FRAS1: variants seen among roughly 807,000 people sequenced by gnomAD.
FRAS1 encodes Fraser extracellular matrix complex subunit 1, also known as extracellular matrix organizing protein FRAS1.
A neutral mutation model predicts 435.2 loss-of-function variants in FRAS1; 290 were observed. The observed-to-expected ratio is 0.67, with a 90% CI of 0.61 to 0.73. FRAS1 has a LOEUF of 0.73. Ranked by LOEUF, FRAS1 falls within the 30% of genes least tolerant of loss-of-function variation. The pLI, the probability that FRAS1 is intolerant of heterozygous loss-of-function variation, is 0.00. For synonymous variants in FRAS1, 1,800 were observed against 1,851.0 expected (o/e 0.97, Z 0.71); for missense variants, 4,860 against 5,001.5 (o/e 0.97, Z 0.85).
intron 4 of FRAS1, among the ~76,000 whole-genome samples, chr4:78,250,794 C>A (rs1395996399): frequency 6.6e-6 from 1 of 152,152 alleles, no homozygotes; most frequent in African/African-American, 2.4e-5. Context: ...TTCACCAAGT[C>A]TAGGTACCAT....
intron 14 of FRAS1, among the ~76,000 whole-genome samples, chr4:78,293,830 A>AG (rs1296644208): frequency 6.6e-6 from 1 of 152,232 alleles, no homozygotes; most frequent in Non-Finnish European, 1.5e-5. Context: ...TTTGGCAGGA[A>AG]GCTGGCTGTG....
intron 2 of FRAS1, among the ~76,000 whole-genome samples, chr4:78,233,258 A>G (rs1001989799): frequency 1.3e-5 from 2 of 152,228 alleles, no homozygotes; most frequent in Non-Finnish European, 2.9e-5. Flanking sequence ...GGCGTGGCCA[A>G]CCAATGTCTG....
intron 50 of FRAS1, among the ~76,000 whole-genome samples, chr4:78,469,019 G>A (rs548175932): frequency 6.6e-6 from 1 of 152,170 alleles, no homozygotes; most frequent in Non-Finnish European, 1.5e-5. Context: ...TGCCATTGCG[G>A]TGTCTGCACA....
chr4:78,494,340 A>G lies in FRAS1; in HGVS notation c.8959-2465A>G, dbSNP rs556599555. On this transcript the variant is annotated intron_variant, in intron 59 of 73. Transcript: ENST00000512123. ...ACCTGAGGCTGGGTAGTTCATAAAGAAAAGGGGTTTATTTGGCTCACAGTT... is the reference window on the plus strand; with the variant it reads ...ACCTGAGGCTGGGTAGTTCATAAAGGAAAGGGGTTTATTTGGCTCACAGTT... 2.0e-5 allele frequency among the ~76,000 whole-genome samples: 3 copies of G among 152,240 alleles called. No individual in the cohort carries two copies. In the South Asian group the frequency reaches 6.2e-4, roughly 32 times the overall value.
chr4:78,402,241 A>G (rs1002423151), intron 30 of FRAS1, among the ~76,000 whole-genome samples: 1 of 152,208 alleles, frequency 6.6e-6, no homozygotes, highest in African/African-American at 2.4e-5. Context: ...CTCACTTGGC[A>G]TATTAAATAG....
chr4:78,182,879 CAAAAA>C (rs1420628017), intron 2 of FRAS1, among the ~76,000 whole-genome samples: 1 of 27,974 alleles, frequency 3.6e-5, no homozygotes, highest in African/African-American at 1.1e-4. Context: ...GACCCTGTCT[CAAAAA>C]AAAGAAAAAA....
intron 40 of FRAS1, among the ~76,000 whole-genome samples, chr4:78,440,278 C>T (rs1422367173): frequency 1.3e-5 from 2 of 151,890 alleles, no homozygotes; most frequent in East Asian, 1.9e-4. Flanking sequence ...ATGATCCACC[C>T]GCCTCGGCCT....
At chr4:78,487,168 G>A (rs1720196393) in intron 58 of FRAS1, among the ~76,000 whole-genome samples, 2 of 152,162 alleles carry the variant, frequency 1.3e-5, no homozygotes. Context: ...CCATTTCACT[G>A]GGTTACGGAG....
At chr4:78,181,855 G>T (rs1438480158) in intron 2 of FRAS1, 1 of 1,611,924 alleles carries the variant, frequency 6.2e-7, no homozygotes, top group Non-Finnish European at 8.5e-7. Flanking sequence ...TGCCTGCCGC[G>T]TTGGAGTTGG....
Position 78,430,386 on chromosome 4 carries a change from T to C in FRAS1, c.4938T>C (p.His1646=), listed in dbSNP as rs893378683. ...RPPQHGVLLK[H]TAEFRRPMAT... Reference sequence around the variant, plus strand: ...CACAGCATGGTGTGCTTCTTAAGCATACAGCTGAGTTCCGAAGGCCGATGG... The same window carrying C: ...CACAGCATGGTGTGCTTCTTAAGCACACAGCTGAGTTCCGAAGGCCGATGG... The change falls in exon 37 of 74, where the codon CAT becomes CAC. Residue 1646 remains histidine (H), a synonymous_variant. Coordinates refer to ENST00000512123, the MANE Select transcript of FRAS1 (RefSeq NM_025074.7). 32 of 1,613,676 alleles carry C rather than the reference T, an allele frequency of 2.0e-5. No homozygotes were observed. The African/African-American group carries it at 2.3e-4, about 11-fold the overall frequency.
chr4:78,389,734 C>T (rs1253941182), intron 29 of FRAS1, among the ~76,000 whole-genome samples: 1 of 152,162 alleles, frequency 6.6e-6, no homozygotes, highest in East Asian at 1.9e-4. Flanking sequence ...CTTCCATCTC[C>T]ACGTTTGGAG....
intron 2 of FRAS1, among the ~76,000 whole-genome samples, chr4:78,160,146 A>G (rs1365620173): frequency 6.6e-6 from 1 of 152,172 alleles, no homozygotes; most frequent in Admixed American, 6.5e-5. Flanking sequence ...CCATAAGTAA[A>G]TTTTTAATGA....
chr4:78,495,922 C>T (rs1050545230), intron 59 of FRAS1, among the ~76,000 whole-genome samples: 2 of 152,108 alleles, frequency 1.3e-5, no homozygotes, highest in Non-Finnish European at 2.9e-5. Context: ...TCTTCAGGGA[C>T]TTAAAATCAG....
At chr4:78,242,624 C>T (rs551367519) in intron 3 of FRAS1, among the ~76,000 whole-genome samples, 24 of 152,164 alleles carry the variant, frequency 1.6e-4, no homozygotes, top group East Asian at 1.5e-3. Flanking sequence ...TTAGGAGAGA[C>T]GGGGTTTCAC....
intron 30 of FRAS1, among the ~76,000 whole-genome samples, chr4:78,407,301 A>G (rs1733138219): frequency 6.6e-6 from 1 of 152,220 alleles, no homozygotes; most frequent in Non-Finnish European, 1.5e-5. Context: ...GTTACATAGA[A>G]AGTTGTGCAT....
chr4:78,515,907 T>C lies in FRAS1; in HGVS notation c.10283T>C (p.Leu3428Pro). ...GTGCGAGAGCCGAAGACCATCCAGC[T>C]CTACAAACACCTGAACCTGAAGAGC... ...PSVREPKTIQ[L>P]YKHLNLKSCV... The change falls in exon 66 of 74, where the codon CTC (leucine) becomes CCC (proline). Residue 3428 changes from leucine (L) to proline (P), a missense_variant. Leu to Pro is a moderately conservative substitution (Grantham distance 98, BLOSUM62 -3). Transcript: ENST00000512123. 1 of 1,614,016 alleles carries C rather than the reference T, an allele frequency of 6.2e-7. No homozygotes were observed. Among genetic ancestry groups the C allele is most frequent in the Non-Finnish European group, 8.5e-7 (1 of 1,179,890 alleles).
At chr4:78,508,210 T>A (rs1480480494) in intron 62 of FRAS1, among the ~76,000 whole-genome samples, 1 of 152,210 alleles carries the variant, frequency 6.6e-6, no homozygotes, top group Non-Finnish European at 1.5e-5. Flanking sequence ...AAGGAAAATT[T>A]AACCCATAAT....
chr4:78,193,470 A>G (rs1034263396), intron 2 of FRAS1, among the ~76,000 whole-genome samples: 2 of 152,168 alleles, frequency 1.3e-5, no homozygotes, highest in Non-Finnish European at 2.9e-5. Flanking sequence ...TTGGGTTCAT[A>G]TATATTTAGG....
Position 78,064,206 on chromosome 4 carries a change from A to AAAAT in FRAS1, c.77-1763_77-1760dup, listed in dbSNP as rs1020590568. The stretch of plus-strand genomic sequence containing the variant: ...TATTAGAACTTAAAGAATAATAATA[A>AAAAT]AAATAAATAAATAAATAAAATAAAA... On this transcript the variant is annotated intron_variant, in intron 1 of 73. Coordinates refer to ENST00000512123, the MANE Select transcript of FRAS1 (RefSeq NM_025074.7). Among the ~76,000 whole-genome samples the AAAAT allele has an allele frequency of 2.0e-5, 3 of 150,738 alleles. 1 individual carries two copies. Among genetic ancestry groups the AAAAT allele is most frequent in the African/African-American group, 4.8e-5 (2 of 41,306 alleles).
Sources: gnomAD v4.1 joint callset for allele counts (sites outside exome capture counted in the v4.1 genomes callset) on GRCh38, gnomAD v4.1.1 for gene constraint, MANE v1.5 for transcripts, NCBI Gene and HGNC (gene_info 2026-07-23, HGNC 2026-07-21) for gene names.